The following CPAMD8 variants were observed in gnomAD, a reference collection of about 807,000 sequenced individuals.
CPAMD8 encodes the protein C3 and PZP-like alpha-2-macroglobulin domain-containing protein 8.
A neutral mutation model predicts 224.7 loss-of-function variants in CPAMD8; 146 were observed. The ratio of observed to expected loss-of-function variants is 0.65; its 90% CI spans 0.57 to 0.75. The LOEUF is 0.75. Ranked by LOEUF, CPAMD8 falls within the 30% of genes least tolerant of loss-of-function variation. The pLI, the probability that CPAMD8 is intolerant of heterozygous loss-of-function variation, is 0.00. For missense variants in CPAMD8, 2,301 were observed against 2,537.5 expected, an observed-to-expected ratio of 0.91 and a Z score of 2.00; for synonymous variants, 966 against 1,044.6, an observed-to-expected ratio of 0.92 and a Z score of 1.45.
chr19:16,943,938 A>C (rs1216210875), intron 22 of CPAMD8, among the ~76,000 whole-genome samples: 2 of 152,104 alleles, frequency 1.3e-5, no homozygotes, highest in Non-Finnish European at 2.9e-5. Context: ...AATTTCACTG[A>C]AGTGAAATTC....
chr19:16,904,384 G>A lies in CPAMD8; in HGVS notation c.4115-22C>T, dbSNP rs750687838. On this transcript the variant is annotated intron_variant, in intron 31 of 41. Coordinates refer to ENST00000443236, the MANE Select transcript of CPAMD8 (RefSeq NM_015692.5). The stretch of plus-strand genomic sequence containing the variant: ...ACCACTGCAATGGAAGAGGCCCACT[G>A]GGGACTTTTGACACAGGGACATGGA... The A allele has an allele frequency of 3.1e-6, 5 of 1,614,046 alleles. 1 individual carries two copies. Among genetic ancestry groups the A allele is most frequent in the South Asian group, 2.2e-5 (2 of 91,082 alleles).
chr19:16,914,704 C>T lies in CPAMD8; in HGVS notation c.3739G>A (p.Asp1247Asn), dbSNP rs369000838. ...KSWIIQQQQADGSFLAVGRVL... is the reference protein window; with the variant it reads ...KSWIIQQQQANGSFLAVGRVL... ...CTGCCCACGGCCAGGAAGGAGCCAT[C>T]GGCCTGCTGCTGCTGGATGATCCAG... The change falls in exon 28 of 42, where the codon GAT becomes AAT. Residue 1247 changes from aspartate (D) to asparagine (N), a missense_variant. By Grantham distance (23) the Asp-to-Asn change is conservative. Coordinates refer to ENST00000443236, the MANE Select transcript of CPAMD8 (RefSeq NM_015692.5). 31 of 1,614,134 alleles carry T rather than the reference C, an allele frequency of 1.9e-5. No individual in the cohort carries two copies. Among genetic ancestry groups the T allele is most frequent in the East Asian group, 1.3e-4 (6 of 44,880 alleles).
At chr19:16,930,558 G>A (rs1266011259) in intron 23 of CPAMD8, among the ~76,000 whole-genome samples, 2 of 152,132 alleles carry the variant, frequency 1.3e-5, no homozygotes, top group Non-Finnish European at 2.9e-5. Flanking sequence ...ATGGTGCTTG[G>A]CGGGAATCAG....
chr19:16,930,163 G>C (rs1159976698), intron 23 of CPAMD8, among the ~76,000 whole-genome samples: 1 of 151,948 alleles, frequency 6.6e-6, no homozygotes, highest in Non-Finnish European at 1.5e-5. Context: ...GCTGAGGTGG[G>C]AGAATCACTT....
chr19:16,909,195 G>A (rs2052632548), intron 29 of CPAMD8, among the ~76,000 whole-genome samples: 1 of 152,164 alleles, frequency 6.6e-6, no homozygotes, highest in South Asian at 2.1e-4. Context: ...TAAGAGTCTT[G>A]AGATGAGATC....
chr19:16,954,367 A>G (rs1004104229), intron 19 of CPAMD8, among the ~76,000 whole-genome samples: 1 of 151,948 alleles, frequency 6.6e-6, no homozygotes, highest in Non-Finnish European at 1.5e-5. Context: ...GAAAAAGAGA[A>G]CAGCAAGTGT....
intron 29 of CPAMD8, among the ~76,000 whole-genome samples, 190 bp from the exon 30 acceptor site, chr19:16,907,307 C>CT (rs71334641): frequency 0.62 from 50,707 of 81,160 alleles, 16,694 homozygotes; most frequent in South Asian, 0.76. Flanking sequence ...TCTTTCTTGC[C>CT]TTTTTTTTTT....
chr19:16,942,290 C>T (rs1024504041), intron 22 of CPAMD8, among the ~76,000 whole-genome samples: 6 of 152,040 alleles, frequency 3.9e-5, no homozygotes, highest in Non-Finnish European at 8.8e-5. Context: ...GGTGAAACCC[C>T]GTCTCTACTA....
intron 17 of CPAMD8, 158 bp from the exon 18 acceptor site, chr19:16,971,191 G>T (rs2055051195): frequency 1.6e-6 from 1 of 616,840 alleles, no homozygotes; most frequent in South Asian, 2.4e-5. Context: ...GGTTTGTTTT[G>T]TTTTGTTTTG....
chr19:16,981,625 A>G (rs2055518549), intron 13 of CPAMD8, among the ~76,000 whole-genome samples: 1 of 152,170 alleles, frequency 6.6e-6, no homozygotes, highest in Admixed American at 6.5e-5. Context: ...CAGGAAAGCT[A>G]AGGCCTCCCA....
intron 5 of CPAMD8, among the ~76,000 whole-genome samples, chr19:17,010,319 C>T (rs967602662): frequency 2.0e-5 from 3 of 151,986 alleles, no homozygotes; most frequent in Non-Finnish European, 2.9e-5. Context: ...ATTGCAGCCT[C>T]GAACTCCTGG....
rs541375002 is a variant in CPAMD8 at position 16,970,701 on chromosome 19, C to T, written c.2213+190G>A. Among the ~76,000 whole-genome samples, 15 of 152,268 alleles carry T rather than the reference C, an allele frequency of 9.9e-5. No homozygotes were observed. In the South Asian group the frequency reaches 3.1e-3, roughly 32 times the overall value. On this transcript the variant is annotated intron_variant, in intron 18 of 41. Transcript: ENST00000443236. ...AATGAAGCAGGAAGTGAGCCCTCAC[C>T]AGACACCCAATCAGCTGGTGCCCTG...
intron 19 of CPAMD8, 43 bp downstream of exon 19, chr19:16,957,810 A>C: frequency 6.2e-7 from 1 of 1,603,350 alleles, no homozygotes; most frequent in South Asian, 1.1e-5. Context: ...AGTGTCTTTC[A>C]CTCAACCGGC....
At chr19:16,985,379 G>A (rs943190810) in intron 13 of CPAMD8, among the ~76,000 whole-genome samples, 9 of 150,422 alleles carry the variant, frequency 6.0e-5, no homozygotes, top group Non-Finnish European at 1.2e-4. Context: ...TAGATAAATA[G>A]GTAAGTGTAG....
At position 16,896,606 on chromosome 19, in the gene CPAMD8, G is replaced by A. The variant is rs1249983589; in HGVS notation, c.5125C>T (p.Arg1709Ter). Residue 1709 changes from arginine to a stop codon, truncating the protein, a stop_gained, in exon 40 of 42, where the codon CGA becomes TGA. Coordinates refer to ENST00000443236, the MANE Select transcript of CPAMD8 (RefSeq NM_015692.5). LOFTEE classifies it high-confidence loss of function. ...VAPEEGAAIA[R>*]CGCDHDCGAQ... Reference sequence around the variant, plus strand: ...CCGCAGTCGTGGTCGCAGCCGCATCGCGCGATCGCCGCCCCCTCCTCAGGG... The same window carrying A: ...CCGCAGTCGTGGTCGCAGCCGCATCACGCGATCGCCGCCCCCTCCTCAGGG... The A allele has an allele frequency of 1.3e-6, 2 of 1,505,396 alleles. No individual in the cohort carries two copies. The highest frequency in any genetic ancestry group is 1.2e-5 in the South Asian group (1 of 80,264). 93.3% of individuals were successfully genotyped at this position (1,505,396 alleles called of 1,614,324 possible).
chr19:16,947,969 A>G (rs552498885), intron 20 of CPAMD8, among the ~76,000 whole-genome samples: 20 of 152,298 alleles, frequency 1.3e-4, no homozygotes, highest in African/African-American at 3.8e-4. Context: ...GTATACATGT[A>G]TCATGCATGT....
chr19:16,894,398 C>T (rs1203255821), intron 41 of CPAMD8: 6 of 456,554 alleles, frequency 1.3e-5, no homozygotes, highest in Non-Finnish European at 2.2e-5. Context: ...TGTCGTCCTG[C>T]TCTCAGCAGG....
chr19:16,975,760 G>A (rs2055245351), intron 16 of CPAMD8, among the ~76,000 whole-genome samples: 1 of 152,114 alleles, frequency 6.6e-6, no homozygotes, highest in Admixed American at 6.6e-5. Context: ...GGTGAGACCT[G>A]GCCCAATGTC....
chr19:16,904,176 A>AGGGCCCCCCCCCCCCCCCCCCACCC, intron 32 of CPAMD8, 50 bp downstream of exon 32: 1 of 937,340 alleles, frequency 1.1e-6, no homozygotes, highest in Non-Finnish European at 1.7e-6. Context: ...GACTGCAGGG[A>AGGGCCCCCCCCCCCCCCCCCCACCC]CCCCACCCAC....
Sources: gnomAD v4.1 joint callset for allele counts (sites outside exome capture counted in the v4.1 genomes callset) on GRCh38, gnomAD v4.1.1 for gene constraint, MANE v1.5 for transcripts, NCBI Gene and HGNC (gene_info 2026-07-23, HGNC 2026-07-21) for gene names.